HADHA: variants seen among roughly 807,000 people sequenced by gnomAD.
The protein encoded by HADHA is hydroxyacyl-CoA dehydrogenase trifunctional multienzyme complex subunit alpha.
HADHA carries 59 observed loss-of-function variants against 91.3 expected under a neutral mutation model. The ratio of observed to expected loss-of-function variants is 0.65; its 90% CI spans 0.52 to 0.80. HADHA has a LOEUF of 0.80. Among genes scored for constraint, HADHA ranks in the 30% least tolerant of loss-of-function variants. The probability of loss-of-function intolerance (pLI) is 0.00; values close to 1 mark genes in which losing one functional copy is unlikely to be tolerated. For missense variants in HADHA, 800 were observed against 927.6 expected (o/e 0.86, Z 1.79); for synonymous variants, 320 against 338.9 (o/e 0.94, Z 0.61).
At chr2:26,238,603 A>C (rs1558331743) in intron 3 of HADHA, among the ~76,000 whole-genome samples, 1 of 152,236 alleles carries the variant, frequency 6.6e-6, no homozygotes, top group Admixed American at 6.5e-5. Context: ...TAACAACCTC[A>C]TATTTAAGAT....
In HADHA at chr2:26,236,418, G is replaced by GTA. The variant is rs200007418; in HGVS notation, c.314+436_314+437insTA. Among the ~76,000 whole-genome samples, 89 of 119,778 alleles carry GTA rather than the reference G, an allele frequency of 7.4e-4. 1 individual carries two copies. In the East Asian group the frequency reaches 0.016, roughly 22 times the overall value. The allele number at this position is 119,778 out of a possible 152,430, so 78.6% of individuals were successfully genotyped here. On this transcript the variant is annotated intron_variant, in intron 4 of 19. Transcript: ENST00000380649. ...TGTGTGTGTGTGTGTGTGTGTGTGTGTGTATATACTTTTTTTTTTTAAGAC... is the reference window on the plus strand; with the variant it reads ...TGTGTGTGTGTGTGTGTGTGTGTGTGTATGTATATACTTTTTTTTTTTAAGAC...
At chr2:26,198,876 C>A (rs907049016) in intron 13 of HADHA, among the ~76,000 whole-genome samples, 1 of 151,678 alleles carries the variant, frequency 6.6e-6, no homozygotes, top group Non-Finnish European at 1.5e-5. Context: ...ATAGTGAGAC[C>A]CTATATCTAC....
chr2:26,239,459 G>T (rs1670840667), intron 1 of HADHA, among the ~76,000 whole-genome samples: 1 of 152,134 alleles, frequency 6.6e-6, no homozygotes, highest in African/African-American at 2.4e-5. Flanking sequence ...AGTTTATCAT[G>T]GATTATCCAG....
intron 13 of HADHA, among the ~76,000 whole-genome samples, chr2:26,200,634 A>T (rs886158503): frequency 2.6e-5 from 4 of 152,222 alleles, no homozygotes; most frequent in Non-Finnish European, 5.9e-5. Flanking sequence ...AATAAGGTGA[A>T]CGCACCCTCA....
intron 13 of HADHA, among the ~76,000 whole-genome samples, chr2:26,198,387 T>G (rs561316370): frequency 1.2e-4 from 18 of 152,052 alleles, no homozygotes; most frequent in African/African-American, 3.9e-4. Flanking sequence ...TTTGTTTTTT[T>G]TTTTTAAAGA....
rs1574600309 is a variant in HADHA at position 26,191,496 on chromosome 2, C to CG, written c.2132dup (p.Pro712AlafsTer26). On this transcript the variant is annotated frameshift_variant, in exon 19 of 20. Coordinates refer to ENST00000380649, the MANE Select transcript of HADHA (RefSeq NM_000182.5). LOFTEE classifies it high-confidence loss of function. ...TGCGAGACCAACCTCCCAGACAAGG[C>CG]GGGAAGCCAAGCCCAAAGACGGCTC... The CG allele has an allele frequency of 6.2e-7, 1 of 1,614,156 alleles. No homozygotes were observed. The highest frequency in any genetic ancestry group is 8.5e-7 in the Non-Finnish European group (1 of 1,180,026).
At chr2:26,213,214 A>G (rs1670143749) in intron 9 of HADHA, among the ~76,000 whole-genome samples, 1 of 152,180 alleles carries the variant, frequency 6.6e-6, no homozygotes, top group Non-Finnish European at 1.5e-5. Flanking sequence ...AACCTAACTC[A>G]TAACCTCTCT....
intron 3 of HADHA, among the ~76,000 whole-genome samples, chr2:26,237,422 T>C (rs183898765): frequency 6.6e-6 from 1 of 152,218 alleles, no homozygotes; most frequent in Admixed American, 6.5e-5. Context: ...AGTTCAGGAG[T>C]TCGAGACCAG....
intron 7 of HADHA, among the ~76,000 whole-genome samples, chr2:26,217,517 A>T (rs556223219): frequency 6.6e-6 from 1 of 152,340 alleles, no homozygotes; most frequent in Admixed American, 6.5e-5. Flanking sequence ...ACCAAGGCAC[A>T]TCATAATCAA....
At chr2:26,209,644 C>T (rs1168178949) in intron 11 of HADHA, 136 bp downstream of exon 11, 1 of 701,002 alleles carries the variant, frequency 1.4e-6, no homozygotes, top group Non-Finnish European at 2.6e-6. Flanking sequence ...GACATAAGGG[C>T]TCAAATGTGC....
chr2:26,204,885 CTT>C (rs1321625690), intron 11 of HADHA, among the ~76,000 whole-genome samples: 14 of 149,870 alleles, frequency 9.3e-5, no homozygotes, highest in Non-Finnish European at 1.8e-4. Flanking sequence ...ATCGTGTAAT[CTT>C]TCATTTCCCC....
intron 1 of HADHA, among the ~76,000 whole-genome samples, chr2:26,241,423 C>G (rs1395592754): frequency 1.3e-5 from 2 of 151,066 alleles, no homozygotes; most frequent in East Asian, 3.9e-4. Context: ...AGTTAGAGAC[C>G]AGCCTGGCTG....
At chr2:26,216,437 C>T (rs1403180498) in intron 7 of HADHA, among the ~76,000 whole-genome samples, 1 of 150,524 alleles carries the variant, frequency 6.6e-6, no homozygotes, top group African/African-American at 2.4e-5. Flanking sequence ...TCTCCTGCCT[C>T]AGCCTCCCGA....
intron 11 of HADHA, among the ~76,000 whole-genome samples, chr2:26,208,617 G>A (rs548011502): frequency 2.3e-4 from 35 of 152,290 alleles, no homozygotes; most frequent in South Asian, 1.0e-3. Flanking sequence ...TATTTATGCC[G>A]TGCACAGGGA....
At chr2:26,217,086 T>G (rs542678027) in intron 7 of HADHA, among the ~76,000 whole-genome samples, 1 of 151,882 alleles carries the variant, frequency 6.6e-6, no homozygotes, top group African/African-American at 2.4e-5. Context: ...AAACTGAAGA[T>G]ATAAAAGTGA....
In HADHA at chr2:26,214,532, A is replaced by C; in HGVS notation, c.829T>G (p.Phe277Val). 6.2e-7 allele frequency: 1 copy of C among 1,604,328 alleles called. No homozygotes were observed. The highest frequency in any genetic ancestry group is 8.5e-7 in the Non-Finnish European group (1 of 1,171,322). ...KLTAYAMTIP[F>V]VRQQVYKKVE... The stretch of plus-strand genomic sequence containing the variant: ...TTTTTGTAAACCTGTTGCCTGACAA[A>C]TGGAATAGTCATGGCATACGCTGTC... The change falls in exon 9 of 20, where the codon TTT (phenylalanine) becomes GTT (valine). Residue 277 changes from phenylalanine (F) to valine (V), a missense_variant. Physicochemically the swap from Phe to Val is conservative, Grantham distance 50. Transcript: ENST00000380649. This position sits in a 1 kb window ranked among gnomAD's most constrained non-coding sequence, Gnocchi z 4.1.
In HADHA at chr2:26,221,681, T is replaced by C. The variant is rs1574618924; in HGVS notation, c.677-6506A>G. Among the ~76,000 whole-genome samples the C allele has an allele frequency of 6.6e-6, 1 of 152,212 alleles. No individual in the cohort carries two copies. The highest frequency in any genetic ancestry group is 2.4e-5 in the African/African-American group (1 of 41,466). On this transcript the variant is annotated intron_variant, in intron 7 of 19. Transcript: ENST00000380649. This position sits in a 1 kb window ranked among gnomAD's most constrained non-coding sequence, Gnocchi z 4.8. The stretch of plus-strand genomic sequence containing the variant: ...ACCTATGGCCTCATGGGGAGTTCTC[T>C]ATGGCCAGTTGATTGGTAAAGAAAA...
intron 13 of HADHA, among the ~76,000 whole-genome samples, chr2:26,200,125 A>C (rs1669792259): frequency 6.6e-6 from 1 of 152,158 alleles, no homozygotes; most frequent in African/African-American, 2.4e-5. Context: ...ATGGGCAATA[A>C]GAGAAGATAA....
At chr2:26,212,797 T>C (rs1045987417) in intron 9 of HADHA, among the ~76,000 whole-genome samples, 171 bp from the exon 10 acceptor site, 1 of 152,184 alleles carries the variant, frequency 6.6e-6, no homozygotes, top group East Asian at 1.9e-4. Context: ...CTGACTTAAT[T>C]CTCCATCTTT....
Sources: allele counts gnomAD v4.1 joint callset (sites outside exome capture counted in the v4.1 genomes callset), GRCh38; gene constraint gnomAD v4.1.1; non-coding constraint Gnocchi (gnomAD v3.1); transcripts MANE v1.5; gene names NCBI Gene and HGNC (gene_info 2026-07-23, HGNC 2026-07-21).